KLHL32: variants seen among roughly 807,000 people sequenced by gnomAD.
KLHL32 encodes the protein kelch like family member 32.
In KLHL32, 35 loss-of-function variants were observed where a neutral mutation model predicts 64.8. The ratio of observed to expected loss-of-function variants is 0.54; its 90% CI spans 0.41 to 0.72. The LOEUF (loss-of-function observed/expected upper bound fraction) is 0.72. Among genes scored for constraint, KLHL32 ranks in the 30% least tolerant of loss-of-function variants. The pLI, the probability that KLHL32 is intolerant of heterozygous loss-of-function variation, is 0.00. For missense variants in KLHL32, 589 were observed against 768.5 expected (o/e 0.77, Z 2.76); for synonymous variants, 259 against 281.0 (o/e 0.92, Z 0.78).
chr6:97,022,687 C>G (rs2128106056), intron 3 of KLHL32, among the ~76,000 whole-genome samples: 1 of 152,108 alleles, frequency 6.6e-6, no homozygotes, highest in African/African-American at 2.4e-5. Context: ...CCAGGCTGGT[C>G]TCGAACTCCT....
intron 3 of KLHL32, among the ~76,000 whole-genome samples, chr6:97,031,386 A>G (rs756264152): frequency 1.8e-4 from 28 of 151,486 alleles, no homozygotes; most frequent in Non-Finnish European, 3.8e-4. Flanking sequence ...CCCAAGCTGG[A>G]GTGCAGTGGT....
intron 3 of KLHL32, among the ~76,000 whole-genome samples, chr6:97,031,341 A>AT (rs55960372): frequency 1.2e-3 from 179 of 147,336 alleles, no homozygotes; most frequent in South Asian, 4.3e-3. Flanking sequence ...AGTTTTTAAC[A>AT]TTTTTTTTTT....
intron 1 of KLHL32, among the ~76,000 whole-genome samples, chr6:96,950,921 G>A (rs1260957252): frequency 1.3e-5 from 2 of 152,184 alleles, no homozygotes; most frequent in East Asian, 3.9e-4. Context: ...GCAATTTTGG[G>A]GGTAGACATG....
chr6:97,094,692 G>A (rs1020222632), intron 6 of KLHL32, among the ~76,000 whole-genome samples: 10 of 152,220 alleles, frequency 6.6e-5, no homozygotes, highest in African/African-American at 2.4e-4. Context: ...GTCAATGACT[G>A]ATTCTAAAGT....
At chr6:96,947,992 G>T (rs1772124613) in intron 1 of KLHL32, among the ~76,000 whole-genome samples, 1 of 152,118 alleles carries the variant, frequency 6.6e-6, no homozygotes, top group Non-Finnish European at 1.5e-5. Flanking sequence ...ATTGTATGAT[G>T]CTCCTAAATG....
intron 6 of KLHL32, among the ~76,000 whole-genome samples, chr6:97,092,916 CTT>C (rs1026960487): frequency 1.3e-5 from 2 of 152,106 alleles, no homozygotes; most frequent in African/African-American, 4.8e-5. Context: ...GGAGACCCAA[CTT>C]GTATTCATGT....
chr6:96,939,002 T>C (rs1277770986), intron 1 of KLHL32, among the ~76,000 whole-genome samples: 3 of 152,178 alleles, frequency 2.0e-5, no homozygotes, highest in African/African-American at 7.2e-5. Flanking sequence ...TCTATGGATG[T>C]AGGGTAATGT....
At chr6:97,135,384 C>CAACT (rs1799888704) in intron 10 of KLHL32, among the ~76,000 whole-genome samples, 1 of 146,200 alleles carries the variant, frequency 6.8e-6, no homozygotes, top group African/African-American at 2.6e-5. Context: ...TGGCTCACTG[C>CAACT]AACTTCTGCC....
At chr6:96,965,330 C>G (rs1774338321) in intron 1 of KLHL32, among the ~76,000 whole-genome samples, 1 of 152,082 alleles carries the variant, frequency 6.6e-6, no homozygotes, top group Non-Finnish European at 1.5e-5. Context: ...GATTATGATT[C>G]AACAATTTTA....
At chr6:97,055,427 A>G (rs773679164) in intron 4 of KLHL32, among the ~76,000 whole-genome samples, 45 of 152,082 alleles carry the variant, frequency 3.0e-4, no homozygotes, top group Non-Finnish European at 2.6e-4. Context: ...ACTCTGTCCA[A>G]TATCACTCCT....
chr6:97,027,156 C>T (rs1206714262), intron 3 of KLHL32, among the ~76,000 whole-genome samples: 1 of 133,018 alleles, frequency 7.5e-6, no homozygotes, highest in Admixed American at 7.7e-5. Context: ...AGGGAGATTC[C>T]CTCTCAAAAA....
Position 97,024,496 on chromosome 6 carries a change from A to G in KLHL32, c.205-16996A>G, listed in dbSNP as rs1782447371. ...GATTTCCTTTTGTCAATTCAAGGTA[A>G]GTTACCAGGTAACAGTGATATTGGT... On this transcript the variant is annotated intron_variant, in intron 3 of 10. Transcript: ENST00000369261. Among the ~76,000 whole-genome samples, 3 of 152,110 alleles carry G rather than the reference A, an allele frequency of 2.0e-5. No individual in the cohort carries two copies. In the South Asian group the frequency reaches 6.2e-4, roughly 32 times the overall value.
intron 6 of KLHL32, among the ~76,000 whole-genome samples, chr6:97,096,799 T>G (rs148709818): frequency 3.5e-4 from 54 of 152,346 alleles, no homozygotes; most frequent in African/African-American, 1.2e-3. Context: ...GTAAGGATTT[T>G]GGGGCAAAGG....
chr6:97,054,591 G>A (rs1182215568), intron 4 of KLHL32, among the ~76,000 whole-genome samples: 1 of 152,206 alleles, frequency 6.6e-6, no homozygotes, highest in African/African-American at 2.4e-5. Flanking sequence ...CACTAATTCA[G>A]GTAGGAGAAT....
chr6:97,112,215 T>G (rs910030366), intron 6 of KLHL32, among the ~76,000 whole-genome samples: 5 of 152,196 alleles, frequency 3.3e-5, no homozygotes, highest in Admixed American at 1.3e-4. Flanking sequence ...AATATTCTAT[T>G]TCTTTGCTTC....
chr6:96,967,179 C>T (rs1774548543), intron 2 of KLHL32, 96 bp downstream of exon 2: 8 of 1,075,500 alleles, frequency 7.4e-6, no homozygotes, highest in Non-Finnish European at 1.1e-5. Flanking sequence ...GGGCTTAATG[C>T]ATATTTGAAG....
intron 1 of KLHL32, among the ~76,000 whole-genome samples, chr6:96,953,220 A>G (rs140920833): frequency 7.2e-4 from 109 of 152,340 alleles, no homozygotes; most frequent in African/African-American, 2.6e-3. Context: ...GAATCTATCA[A>G]TAATGTATGT....
chr6:97,068,992 A>G (rs993813824), intron 5 of KLHL32, among the ~76,000 whole-genome samples: 4 of 152,162 alleles, frequency 2.6e-5, no homozygotes, highest in East Asian at 3.9e-4. Context: ...CAAGGGCGAT[A>G]GGTAGAGCAT....
At chr6:97,135,299 A>ATTTTTT (rs747635380) in intron 10 of KLHL32, among the ~76,000 whole-genome samples, 1 of 109,570 alleles carries the variant, frequency 9.1e-6, no homozygotes, top group African/African-American at 3.8e-5. Flanking sequence ...AAATTTGTTA[A>ATTTTTT]TTTTTTTTTT....
Sources: gnomAD v4.1 joint callset for allele counts (sites outside exome capture counted in the v4.1 genomes callset) on GRCh38, gnomAD v4.1.1 for gene constraint, MANE v1.5 for transcripts, NCBI Gene and HGNC (gene_info 2026-07-23, HGNC 2026-07-21) for gene names.